The following KYAT1 variants were observed in gnomAD, a reference collection of about 807,000 sequenced individuals.
KYAT1 encodes the protein kynurenine--oxoglutarate transaminase 1.
Under a neutral mutation model 52.4 loss-of-function variants are expected in KYAT1, and 47 were observed. That is an observed-to-expected ratio of 0.90 (90% CI 0.71 to 1.14). The LOEUF (loss-of-function observed/expected upper bound fraction) is 1.14. Among genes scored for constraint, KYAT1 ranks in the 50% most tolerant of loss-of-function variants. The pLI is 0.00. For missense variants in KYAT1, 480 were observed against 557.9 expected (o/e 0.86, Z 1.41); for synonymous variants, 212 against 209.6 (o/e 1.01, Z -0.10).
Position 128,842,773 on chromosome 9 carries a change from G to A in KYAT1, c.82C>T (p.His28Tyr), listed in dbSNP as rs745716290. 6.2e-7 allele frequency: 1 copy of A among 1,614,086 alleles called. No individual in the cohort carries two copies. Among genetic ancestry groups the A allele is most frequent in the South Asian group, 1.1e-5 (1 of 91,058 alleles). Residue 28 changes from histidine (H) to tyrosine (Y), a missense_variant, in exon 3 of 13, where the codon CAT (histidine) becomes TAT (tyrosine). Coordinates refer to ENST00000302586, the MANE Select transcript of KYAT1 (RefSeq NM_004059.5). ...CCCTGGCCCAAGTTCACGACGTCAT[G>A]CTCACTGGCCAGTTTCACAAACTCC... Reference protein sequence around the residue: ...WVEFVKLASEHDVVNLGQGFP... With the variant: ...WVEFVKLASEYDVVNLGQGFP...
chr9:128,862,655 G>T (rs1053694950), intron 1 of KYAT1, among the ~76,000 whole-genome samples: 1 of 152,196 alleles, frequency 6.6e-6, no homozygotes, highest in African/African-American at 2.4e-5. Flanking sequence ...GGCTCCATGG[G>T]GGTCAAGAAG....
At chr9:128,864,509 TAA>T (rs923954076) in intron 1 of KYAT1, among the ~76,000 whole-genome samples, 1 of 152,154 alleles carries the variant, frequency 6.6e-6, no homozygotes, top group Non-Finnish European at 1.5e-5. Context: ...CTGTACCCAT[TAA>T]ACAATTACAT....
intron 1 of KYAT1, among the ~76,000 whole-genome samples, chr9:128,848,646 C>T (rs966524056): frequency 8.6e-5 from 13 of 151,648 alleles, no homozygotes; most frequent in African/African-American, 2.2e-4. Context: ...GCTAAAACCT[C>T]GTCTCTACTA....
At chr9:128,842,534 A>G in intron 3 of KYAT1, 120 bp downstream of exon 3, 3 of 1,006,874 alleles carry the variant, frequency 3.0e-6, no homozygotes, top group African/African-American at 1.6e-5. Flanking sequence ...ACACTGAACT[A>G]TGGTCATACA....
At chr9:128,867,692 A>T (rs1836600117) in intron 1 of KYAT1, among the ~76,000 whole-genome samples, 1 of 152,236 alleles carries the variant, frequency 6.6e-6, no homozygotes, top group Non-Finnish European at 1.5e-5. Context: ...AAGGAATAAG[A>T]TTGCTTTTAG....
chr9:128,833,816 G>C lies in KYAT1; in HGVS notation c.1133C>G (p.Ala378Gly). Residue 378 changes from alanine to glycine, a missense_variant, in exon 12 of 13, where the codon GCC becomes GGC. Coordinates refer to ENST00000302586, the MANE Select transcript of KYAT1 (RefSeq NM_004059.5). ...ACTATAGAAGATGGAGACAGGGATGGCCACCAAGCCCTGGGGAGGAGGAAG... is the reference window on the plus strand; with the variant it reads ...ACTATAGAAGATGGAGACAGGGATGCCCACCAAGCCCTGGGGAGGAGGAAG... ...KWMIKNKGLV[A>G]IPVSIFYSVP... 1 of 1,614,122 alleles carries C rather than the reference G, an allele frequency of 6.2e-7. No homozygotes were observed. Among genetic ancestry groups the C allele is most frequent in the Non-Finnish European group, 8.5e-7 (1 of 1,179,924 alleles).
At chr9:128,843,626 C>T (rs1389605765) in intron 2 of KYAT1, among the ~76,000 whole-genome samples, 3 of 152,060 alleles carry the variant, frequency 2.0e-5, no homozygotes, top group Admixed American at 6.6e-5. Flanking sequence ...TGATCCACCG[C>T]CCCCCTTGGC....
chr9:128,835,765 C>A lies in KYAT1; in HGVS notation c.855+14G>T. 1 of 1,610,422 alleles carries A rather than the reference C, an allele frequency of 6.2e-7. No individual in the cohort carries two copies. The highest frequency in any genetic ancestry group is 2.2e-5 in the East Asian group (1 of 44,712). Reference sequence around the variant, plus strand: ...TGTCCCCCCACTCCCCCGTGACGTCCTGCCCCTCTTCACCTGGCTCTGCGT... The same window carrying A: ...TGTCCCCCCACTCCCCCGTGACGTCATGCCCCTCTTCACCTGGCTCTGCGT... On this transcript the variant is annotated intron_variant, in intron 9 of 12. Coordinates refer to ENST00000302586, the MANE Select transcript of KYAT1 (RefSeq NM_004059.5).
At chr9:128,836,678 G>A (rs1044835740) in intron 7 of KYAT1, 124 bp downstream of exon 7, 6 of 1,148,566 alleles carry the variant, frequency 5.2e-6, no homozygotes, top group Non-Finnish European at 7.4e-6. Context: ...GGAGGCAAAG[G>A]TCACAGGATC....
chr9:128,838,489 G>T, intron 3 of KYAT1, 122 bp from the exon 4 acceptor site: 2 of 1,097,624 alleles, frequency 1.8e-6, no homozygotes, highest in East Asian at 2.5e-5. Flanking sequence ...GGTACTGGTA[G>T]CCTGGGCCCC....
intron 1 of KYAT1, among the ~76,000 whole-genome samples, chr9:128,872,148 A>AAG (rs1179621223): frequency 6.8e-6 from 1 of 148,016 alleles, no homozygotes. Context: ...AAAAAAAAAA[A>AAG]GACCATGTTG....
intron 1 of KYAT1, among the ~76,000 whole-genome samples, chr9:128,852,067 T>C (rs1169358061): frequency 6.6e-6 from 1 of 152,180 alleles, no homozygotes; most frequent in Non-Finnish European, 1.5e-5. Flanking sequence ...GGTCAAACAG[T>C]GGCCACTCTC....
intron 3 of KYAT1, among the ~76,000 whole-genome samples, chr9:128,840,002 A>C (rs1305983004): frequency 6.6e-6 from 1 of 151,428 alleles, no homozygotes; most frequent in Non-Finnish European, 1.5e-5. Flanking sequence ...GGCTGAAGTG[A>C]GTTATGATCA....
chr9:128,861,598 C>T (rs944300524), intron 1 of KYAT1, among the ~76,000 whole-genome samples: 5 of 152,304 alleles, frequency 3.3e-5, no homozygotes, highest in South Asian at 2.1e-4. Flanking sequence ...GATTTGAGAG[C>T]GGTTCCCAGG....
chr9:128,866,631 C>G (rs181161094), intron 1 of KYAT1, among the ~76,000 whole-genome samples: 210 of 142,106 alleles, frequency 1.5e-3, no homozygotes, highest in Non-Finnish European at 2.7e-3. Context: ...AAATAGTCGC[C>G]GGGCGCAGTG....
At chr9:128,873,667 C>G (rs545413095) in intron 1 of KYAT1, among the ~76,000 whole-genome samples, 1 of 151,980 alleles carries the variant, frequency 6.6e-6, no homozygotes, top group Non-Finnish European at 1.5e-5. Context: ...CCCATCCCAG[C>G]TACTTGGGAG....
At chr9:128,863,734 C>T (rs747480842) in intron 1 of KYAT1, among the ~76,000 whole-genome samples, 11 of 152,146 alleles carry the variant, frequency 7.2e-5, no homozygotes, top group Non-Finnish European at 1.2e-4. Flanking sequence ...GTGTTATTCC[C>T]GAGTCGGCCA....
chr9:128,849,171 G>A (rs546708503), intron 1 of KYAT1, among the ~76,000 whole-genome samples: 2 of 152,070 alleles, frequency 1.3e-5, no homozygotes, highest in African/African-American at 4.8e-5. Flanking sequence ...CAGCAATTTG[G>A]GAGGCTGAGG....
intron 1 of KYAT1, chr9:128,859,980 A>G (rs1835229393): frequency 6.6e-6 from 1 of 152,076 alleles, no homozygotes; most frequent in Non-Finnish European, 1.5e-5. Context: ...CCCCTGAGAG[A>G]CTATTTGCAA....
Sources: allele counts gnomAD v4.1 joint callset (sites outside exome capture counted in the v4.1 genomes callset), GRCh38; gene constraint gnomAD v4.1.1; transcripts MANE v1.5; gene names NCBI Gene and HGNC (gene_info 2026-07-23, HGNC 2026-07-21).